LINGO2: variants seen among roughly 807,000 people sequenced by gnomAD.
LINGO2 encodes leucine-rich repeat and immunoglobulin-like domain-containing nogo receptor-interacting protein 2.
A neutral mutation model predicts 30.6 loss-of-function variants in LINGO2; 14 were observed. The ratio of observed to expected loss-of-function variants is 0.46; its 90% CI spans 0.30 to 0.72. The LOEUF is 0.72. LINGO2 is among the 30% of genes least tolerant of loss of function. LINGO2 has a pLI of 0.07. For missense variants in LINGO2, 729 were observed against 751.7 expected (o/e 0.97, Z 0.35); for synonymous variants, 317 against 288.5 (o/e 1.10, Z -1.00).
the LINGO2 span, among the ~76,000 whole-genome samples, chr9:29,058,879 T>C: frequency 1.3e-5 from 2 of 151,816 alleles, no homozygotes; most frequent in South Asian, 2.1e-4. Context: ...CCTGAAAAAA[T>C]TGACAAATTA....
Position 28,633,760 on chromosome 9 carries a change from A to G in LINGO2, c.-365+36440T>C, listed in dbSNP as rs533373381. On this transcript the variant is annotated intron_variant, in intron 1 of 5. Coordinates refer to ENST00000379992, the Ensembl canonical transcript of LINGO2. ...CTTTTCTCTGTTGGCTTAGCCTAAC[A>G]TCTCACCTAGGAACTTAATTTCTTT... 3.2e-4 allele frequency among the ~76,000 whole-genome samples: 48 copies of G among 152,344 alleles called. No homozygotes were observed. In the South Asian group the frequency reaches 5.0e-3, roughly 16 times the overall value.
At chr9:28,812,392 CTCTT>C in the LINGO2 span, among the ~76,000 whole-genome samples, 1 of 152,104 alleles carries the variant, frequency 6.6e-6, no homozygotes, top group African/African-American at 2.4e-5. Flanking sequence ...TTAAAAATCT[CTCTT>C]TCATGATGCG....
At chr9:29,129,927 G>A in the LINGO2 span, among the ~76,000 whole-genome samples, 1 of 152,070 alleles carries the variant, frequency 6.6e-6, no homozygotes, top group Non-Finnish European at 1.5e-5. Context: ...CAAGCATGTT[G>A]GATATGGTCT....
chr9:28,459,615 C>A (rs1052800810), intron 2 of LINGO2, among the ~76,000 whole-genome samples: 2 of 151,874 alleles, frequency 1.3e-5, no homozygotes, highest in African/African-American at 2.4e-5. Context: ...GTAGACTTTT[C>A]GCTCCTTAGA....
At chr9:27,995,499 C>A (rs939803264) in intron 5 of LINGO2, among the ~76,000 whole-genome samples, 1 of 152,030 alleles carries the variant, frequency 6.6e-6, no homozygotes, top group Non-Finnish European at 1.5e-5. Flanking sequence ...ATTAGCAAAC[C>A]AAATTGAACA....
the LINGO2 span, among the ~76,000 whole-genome samples, chr9:28,994,620 A>G: frequency 2.0e-5 from 3 of 151,556 alleles, no homozygotes; most frequent in African/African-American, 4.8e-5. Flanking sequence ...TTCAAACTAT[A>G]CTACAAGGCT....
In LINGO2 at chr9:28,397,721, G is replaced by T. The variant is rs972504300; in HGVS notation, c.-278-24853C>A. On this transcript the variant is annotated intron_variant, in intron 2 of 5. Coordinates refer to ENST00000379992, the Ensembl canonical transcript of LINGO2. ...CGCCACCACGCCCAGCTAATTTTTT[G>T]TATTTTTAGTAGAGACGGGGTTTCA... 4.6e-5 allele frequency among the ~76,000 whole-genome samples: 7 copies of T among 151,832 alleles called. No individual in the cohort carries two copies. The South Asian group carries it at 1.5e-3, about 32-fold the overall frequency.
the LINGO2 span, among the ~76,000 whole-genome samples, chr9:29,048,083 C>A: frequency 1.8e-4 from 27 of 151,962 alleles, no homozygotes; most frequent in African/African-American, 6.5e-4. Context: ...TGCACTCCAG[C>A]CTGGGTGAGT....
At chr9:29,133,940 C>T in the LINGO2 span, among the ~76,000 whole-genome samples, 4 of 152,054 alleles carry the variant, frequency 2.6e-5, no homozygotes, top group African/African-American at 7.2e-5. Flanking sequence ...TCCCTCCTTC[C>T]CTCACTAAAG....
At chr9:28,744,889 C>A in the LINGO2 span, among the ~76,000 whole-genome samples, 1 of 151,804 alleles carries the variant, frequency 6.6e-6, no homozygotes, top group African/African-American at 2.4e-5. Context: ...CTCACCAAGG[C>A]CTCCCAAAGT....
chr9:28,576,711 T>G (rs2135625635), intron 1 of LINGO2, among the ~76,000 whole-genome samples: 1 of 152,138 alleles, frequency 6.6e-6, no homozygotes, highest in South Asian at 2.1e-4. Flanking sequence ...TAGATATTGC[T>G]ATTTTTTTCC....
the LINGO2 span, among the ~76,000 whole-genome samples, chr9:29,134,708 T>C: frequency 6.6e-6 from 1 of 152,134 alleles, no homozygotes; most frequent in African/African-American, 2.4e-5. Context: ...AGCCATTCTC[T>C]TATTGTATGT....
chr9:29,090,730 A>T, the LINGO2 span, among the ~76,000 whole-genome samples: 1 of 152,116 alleles, frequency 6.6e-6, no homozygotes, highest in South Asian at 2.1e-4. Flanking sequence ...GGGTAATTAT[A>T]TAACATTTAA....
the LINGO2 span, among the ~76,000 whole-genome samples, chr9:28,906,410 T>C: frequency 6.6e-5 from 10 of 151,886 alleles, no homozygotes; most frequent in African/African-American, 2.4e-4. Flanking sequence ...ACATAATACA[T>C]ATAATTTTTA....
chr9:28,364,285 C>T (rs1587546020), intron 3 of LINGO2, among the ~76,000 whole-genome samples: 1 of 151,548 alleles, frequency 6.6e-6, no homozygotes, highest in Middle Eastern at 3.2e-3. Context: ...CAAGAGTCTC[C>T]TTTTTTTCAG....
chr9:29,156,888 C>T, the LINGO2 span, among the ~76,000 whole-genome samples: 4 of 151,878 alleles, frequency 2.6e-5, no homozygotes, highest in African/African-American at 9.7e-5. Context: ...AAATATTAAG[C>T]CCAAAATTTC....
the LINGO2 span, among the ~76,000 whole-genome samples, chr9:29,141,513 A>C: frequency 6.6e-6 from 1 of 151,886 alleles, no homozygotes; most frequent in African/African-American, 2.4e-5. Flanking sequence ...ACAAAAACAA[A>C]GGGAAAAGAC....
At chr9:28,351,468 A>T (rs1819887130) in intron 3 of LINGO2, among the ~76,000 whole-genome samples, 1 of 151,696 alleles carries the variant, frequency 6.6e-6, no homozygotes. Flanking sequence ...TGAATCCCTG[A>T]ATAGACCAAT....
At chr9:28,999,917 T>C in the LINGO2 span, among the ~76,000 whole-genome samples, 1 of 152,002 alleles carries the variant, frequency 6.6e-6, no homozygotes, top group African/African-American at 2.4e-5. Context: ...TGTTTAGATC[T>C]GGCTCTTTCC....
Sources: gnomAD v4.1 joint callset for allele counts (sites outside exome capture counted in the v4.1 genomes callset) on GRCh38, gnomAD v4.1.1 for gene constraint, MANE v1.5 for transcripts, NCBI Gene and HGNC (gene_info 2026-07-23, HGNC 2026-07-21) for gene names.